The following UBE2T variants were observed in gnomAD, a reference collection of about 807,000 sequenced individuals.
The protein encoded by UBE2T is ubiquitin-conjugating enzyme E2 T.
In UBE2T, 15 loss-of-function variants were observed where a neutral mutation model predicts 23.3. That is an observed-to-expected ratio of 0.64 (90% CI 0.43 to 0.99). The LOEUF is 0.99. Among genes scored for constraint, UBE2T ranks in the 50% least tolerant of loss-of-function variants. The pLI, the probability that UBE2T is intolerant of heterozygous loss-of-function variation, is 0.00. For synonymous variants in UBE2T, 67 were observed against 78.4 expected, an observed-to-expected ratio of 0.85 and a Z score of 0.77; for missense variants, 197 against 234.9, an observed-to-expected ratio of 0.84 and a Z score of 1.05.
Position 202,331,815 on chromosome 1 carries a change from G to A in UBE2T, c.*20C>T. On this transcript the variant is annotated 3_prime_UTR_variant, in exon 7 of 7. Coordinates refer to ENST00000646651, the MANE Select transcript of UBE2T (RefSeq NM_014176.4). ...CCTTGGCAAAGAACACATTAACTAA[G>A]ATGAACCAGGACAAGTCCCCTAAAC... 1.2e-6 allele frequency: 2 copies of A among 1,613,736 alleles called. No homozygotes were observed. The highest frequency in any genetic ancestry group is 1.7e-6 in the Non-Finnish European group (2 of 1,179,812).
In UBE2T at chr1:202,341,902, G is replaced by C. The variant is rs1294739208; in HGVS notation, c.-72C>G. 1 of 152,332 alleles carries C rather than the reference G, an allele frequency of 6.6e-6. No individual in the cohort carries two copies. Among genetic ancestry groups the C allele is most frequent in the Non-Finnish European group, 1.5e-5 (1 of 68,128 alleles). 9.4% of individuals were successfully genotyped at this position (152,332 alleles called of 1,614,324 possible). ...AATACTCTCCTTGCTTACCTGAGCTGACACCCCTCACAACGCAGCAACGCG... is the reference window on the plus strand; with the variant it reads ...AATACTCTCCTTGCTTACCTGAGCTCACACCCCTCACAACGCAGCAACGCG... On this transcript the variant is annotated 5_prime_UTR_variant, in exon 1 of 7. Coordinates refer to ENST00000646651, the MANE Select transcript of UBE2T (RefSeq NM_014176.4).
At chr1:202,332,983 A>C in intron 6 of UBE2T, 27 bp downstream of exon 6, 3 of 1,510,940 alleles carry the variant, frequency 2.0e-6, no homozygotes, top group Non-Finnish European at 9.2e-7. Context: ...ATACTTAATT[A>C]ACTGACAATA....
chr1:202,340,588 G>A (rs1654980604), intron 1 of UBE2T, among the ~76,000 whole-genome samples: 1 of 151,992 alleles, frequency 6.6e-6, no homozygotes, highest in African/African-American at 2.4e-5. Flanking sequence ...TAAAGTATAT[G>A]GGAGGACATG....
At chr1:202,341,694 C>A (rs190004524) in intron 1 of UBE2T, among the ~76,000 whole-genome samples, 3 of 151,632 alleles carry the variant, frequency 2.0e-5, no homozygotes, top group Non-Finnish European at 2.9e-5. Flanking sequence ...AGGAGGACGG[C>A]TCGGGGGAGC....
chr1:202,341,801 T>G (rs894135588), intron 1 of UBE2T, 94 bp downstream of exon 1: 5 of 152,130 alleles, frequency 3.3e-5, no homozygotes, highest in Non-Finnish European at 7.3e-5. Context: ...ACTCCCATAT[T>G]AGGCGGAAAC....
At chr1:202,333,687 TTC>T (rs1457599299) in intron 3 of UBE2T, 132 bp from the exon 4 acceptor site, 2 of 722,132 alleles carry the variant, frequency 2.8e-6, no homozygotes, top group Non-Finnish European at 2.2e-6. Flanking sequence ...GAGGCAAACT[TTC>T]TCTCTTCCTA....
At chr1:202,336,977 T>A (rs1654899254) in intron 1 of UBE2T, among the ~76,000 whole-genome samples, 1 of 152,194 alleles carries the variant, frequency 6.6e-6, no homozygotes, top group African/African-American at 2.4e-5. Flanking sequence ...GGAGTCTCGG[T>A]CTGTTGCCCA....
chr1:202,337,642 T>A (rs1352474203), intron 1 of UBE2T, among the ~76,000 whole-genome samples: 1 of 152,218 alleles, frequency 6.6e-6, no homozygotes, highest in Admixed American at 6.5e-5. Flanking sequence ...TTTGGGACTC[T>A]TGAATTTGTT....
intron 1 of UBE2T, among the ~76,000 whole-genome samples, chr1:202,340,540 C>T (rs1181810985): frequency 4.0e-5 from 6 of 151,598 alleles, no homozygotes; most frequent in African/African-American, 2.4e-5. Context: ...AAAAAAGAAC[C>T]AGCCTGTGCA....
chr1:202,338,058 GT>G (rs1198592528), intron 1 of UBE2T, among the ~76,000 whole-genome samples: 3 of 151,912 alleles, frequency 2.0e-5, no homozygotes, highest in Non-Finnish European at 2.9e-5. Flanking sequence ...TGAACACGCT[GT>G]TTCAGTCTTT....
Position 202,334,982 on chromosome 1 carries a change from T to A in UBE2T, c.179+7A>T. 2 of 1,611,394 alleles carry A rather than the reference T, an allele frequency of 1.2e-6. No homozygotes were observed. Among genetic ancestry groups the A allele is most frequent in the Non-Finnish European group, 8.5e-7 (1 of 1,178,542 alleles). On this transcript the variant is annotated splice_region_variant and intron_variant, in intron 3 of 6. Transcript: ENST00000646651. ...CCATGTAGGTTGAGAAGCTGATTCA[T>A]ACTAACCTCTCAGGAATGATAACTT...
chr1:202,332,008 G>C, intron 6 of UBE2T, 48 bp from the exon 7 acceptor site: 5 of 1,594,230 alleles, frequency 3.1e-6, no homozygotes, highest in Non-Finnish European at 4.3e-6. Context: ...ACAAATGCCA[G>C]GATGGAGAAA....
chr1:202,331,995 C>T, intron 6 of UBE2T, 35 bp from the exon 7 acceptor site: 3 of 1,606,146 alleles, frequency 1.9e-6, no homozygotes, highest in African/African-American at 1.3e-5. Context: ...CAGTAAGGTT[C>T]ACACAAATGC....
chr1:202,336,478 T>A (rs1167039232), intron 1 of UBE2T, among the ~76,000 whole-genome samples: 1 of 152,104 alleles, frequency 6.6e-6, no homozygotes, highest in Non-Finnish European at 1.5e-5. Flanking sequence ...GCAAATATAT[T>A]TTTAAAATAA....
In UBE2T at chr1:202,335,875, CA is replaced by C; in HGVS notation, c.-64-58del. On this transcript the variant is annotated intron_variant, in intron 1 of 6. Coordinates refer to ENST00000646651, the MANE Select transcript of UBE2T (RefSeq NM_014176.4). The surrounding 1 kb of genome is among the most constrained non-coding windows in gnomAD (Gnocchi z 4.0). ...TCAGCAATAATGACTATGAAGTTTT[CA>C]GCAAACAGCTTCAATGTAGTGAGGG... is the stretch of plus-strand genomic sequence containing the variant. 1 of 813,106 alleles carries C rather than the reference CA, an allele frequency of 1.2e-6. No individual in the cohort carries two copies. 50.4% of individuals were successfully genotyped at this position (813,106 alleles called of 1,614,324 possible).
intron 3 of UBE2T, 113 bp downstream of exon 3, chr1:202,334,876 T>C (rs1654848933): frequency 2.1e-5 from 20 of 964,988 alleles, no homozygotes; most frequent in Non-Finnish European, 3.0e-5. Context: ...CCTTAAGTCA[T>C]GATAAGGCCA....
intron 1 of UBE2T, among the ~76,000 whole-genome samples, chr1:202,338,744 G>A (rs1198478426): frequency 1.3e-5 from 2 of 152,102 alleles, no homozygotes; most frequent in African/African-American, 2.4e-5. Context: ...ATGCTGGCAT[G>A]AGCCTGTAAT....
At chr1:202,338,112 C>T (rs1654925466) in intron 1 of UBE2T, among the ~76,000 whole-genome samples, 1 of 151,974 alleles carries the variant, frequency 6.6e-6, no homozygotes, top group Admixed American at 6.6e-5. Flanking sequence ...CTCTATAAAG[C>T]TTTATCTAAT....
At position 202,335,444 on chromosome 1, in the gene UBE2T, G is replaced by T. The variant is rs545904788; in HGVS notation, c.109+202C>A. ...TGCTTTAAATCTTGGCTATAAATCA[G>T]CATAAGGTATAATAAAAAGTCAAAG... On this transcript the variant is annotated intron_variant, in intron 2 of 6. Transcript: ENST00000646651. This position sits in a 1 kb window ranked among gnomAD's most constrained non-coding sequence, Gnocchi z 4.0. The T allele has an allele frequency of 1.0e-5, 6 of 590,906 alleles. No individual in the cohort carries two copies. Among genetic ancestry groups the T allele is most frequent in the African/African-American group, 1.9e-5 (1 of 53,690 alleles). The allele number at this position is 590,906 out of a possible 1,614,324, so 36.6% of individuals were successfully genotyped here. A position where few individuals can be genotyped will look rare whatever the true frequency, so the allele number is the denominator to read the frequency against.
Sources: allele counts gnomAD v4.1 joint callset (sites outside exome capture counted in the v4.1 genomes callset), GRCh38; gene constraint gnomAD v4.1.1; non-coding constraint Gnocchi (gnomAD v3.1); transcripts MANE v1.5; gene names NCBI Gene and HGNC (gene_info 2026-07-23, HGNC 2026-07-21).